The following ERC2 variants were observed in gnomAD, a reference collection of about 807,000 sequenced individuals.
The protein encoded by ERC2 is ELKS/RAB6-interacting/CAST family member 2.
Under a neutral mutation model 114.8 loss-of-function variants are expected in ERC2, and 42 were observed. That is an observed-to-expected ratio of 0.37 (90% CI 0.29 to 0.47). The LOEUF (loss-of-function observed/expected upper bound fraction) is 0.47. ERC2 is among the 20% of genes least tolerant of loss of function. ERC2 has a pLI of 0.99. For synonymous variants in ERC2, 454 were observed against 425.5 expected (o/e 1.07, Z -0.82); for missense variants, 939 against 1,150.7 (o/e 0.82, Z 2.66).
At chr3:56,465,134 C>A (rs2063485592) in intron 1 of ERC2, among the ~76,000 whole-genome samples, 1 of 152,220 alleles carries the variant, frequency 6.6e-6, no homozygotes, top group South Asian at 2.1e-4. Flanking sequence ...CATGGTGGTT[C>A]ACACCTGTAA....
intron 2 of ERC2, among the ~76,000 whole-genome samples, chr3:56,378,992 A>G (rs565120472): frequency 1.3e-5 from 2 of 152,384 alleles, no homozygotes; most frequent in Admixed American, 1.3e-4. Flanking sequence ...ATCCATTTCA[A>G]TAACGTATTT....
intron 14 of ERC2, among the ~76,000 whole-genome samples, chr3:55,770,887 C>G (rs937814135): frequency 1.3e-5 from 2 of 150,634 alleles, no homozygotes; most frequent in Non-Finnish European, 2.9e-5. Flanking sequence ...TGAGTGAGAA[C>G]ATGCGGTGTT....
At chr3:56,337,426 C>A (rs770372486) in intron 2 of ERC2, among the ~76,000 whole-genome samples, 2 of 152,116 alleles carry the variant, frequency 1.3e-5, no homozygotes, top group Non-Finnish European at 2.9e-5. Flanking sequence ...GGTATGTAAC[C>A]GTAAGTACTC....
chr3:56,115,645 C>T (rs2079186671), intron 6 of ERC2, among the ~76,000 whole-genome samples: 1 of 152,092 alleles, frequency 6.6e-6, no homozygotes, highest in African/African-American at 2.4e-5. Flanking sequence ...AATTTTCTTG[C>T]ATTATCAAGG....
chr3:56,137,575 C>T (rs545466452), intron 6 of ERC2, among the ~76,000 whole-genome samples: 15 of 152,304 alleles, frequency 9.8e-5, no homozygotes, highest in South Asian at 2.1e-4. Flanking sequence ...TGCAACTGCT[C>T]GACTCTGCTG....
intron 15 of ERC2, among the ~76,000 whole-genome samples, chr3:55,704,521 T>C (rs2063382927): frequency 6.6e-6 from 1 of 152,238 alleles, no homozygotes; most frequent in Non-Finnish European, 1.5e-5. Flanking sequence ...GGAACTCTTC[T>C]ACTGTCTTGT....
At chr3:55,776,162 T>C (rs1351667435) in intron 14 of ERC2, among the ~76,000 whole-genome samples, 1 of 152,008 alleles carries the variant, frequency 6.6e-6, no homozygotes, top group East Asian at 1.9e-4. Flanking sequence ...GTTGTTGTTG[T>C]TGAAAGTTTA....
intron 7 of ERC2, among the ~76,000 whole-genome samples, chr3:56,064,196 GC>G (rs1304560760): frequency 6.6e-6 from 1 of 152,104 alleles, no homozygotes; most frequent in Admixed American, 6.6e-5. Flanking sequence ...TTTCATACCT[GC>G]CATCTACCTG....
At chr3:56,228,883 C>A (rs544037839) in intron 3 of ERC2, among the ~76,000 whole-genome samples, 1 of 152,264 alleles carries the variant, frequency 6.6e-6, no homozygotes, top group Non-Finnish European at 1.5e-5. Context: ...CCTACTTGGG[C>A]CGCCTTTATG....
chr3:55,617,719 TA>T (rs1181970483), intron 17 of ERC2, among the ~76,000 whole-genome samples: 1 of 152,172 alleles, frequency 6.6e-6, no homozygotes, highest in Non-Finnish European at 1.5e-5. Context: ...AATTCACCAA[TA>T]AAAGGATAAA....
At position 55,509,674 on chromosome 3, in the gene ERC2, C is replaced by T. The variant is rs1326642178; in HGVS notation, c.*1642G>A. ...AACTCAGGGACGGTTTCATCTTCCC[C>T]GACAAATAAGGTGTTTGTCTTTTAA... On this transcript the variant is annotated 3_prime_UTR_variant, in exon 18 of 18. Transcript: ENST00000288221. 1.3e-5 allele frequency: 2 copies of T among 152,534 alleles called. No homozygotes were observed. Among genetic ancestry groups the T allele is most frequent in the Non-Finnish European group, 2.9e-5 (2 of 68,026 alleles). 9.4% of individuals were successfully genotyped at this position (152,534 alleles called of 1,614,324 possible). A position where few individuals can be genotyped will look rare whatever the true frequency, so the allele number is the denominator to read the frequency against.
intron 2 of ERC2, among the ~76,000 whole-genome samples, chr3:56,318,633 T>G (rs1027467255): frequency 1.3e-5 from 2 of 151,656 alleles, no homozygotes; most frequent in East Asian, 3.9e-4. Flanking sequence ...GCACATAGAC[T>G]TTTTTTGAAG....
intron 8 of ERC2, among the ~76,000 whole-genome samples, chr3:56,012,557 T>C (rs113942474): frequency 0.017 from 2,543 of 152,262 alleles, 65 homozygotes; most frequent in African/African-American, 0.058. Context: ...TTAGGGATCA[T>C]CTTGGCTTCA....
chr3:55,718,939 G>A (rs1022973626), intron 15 of ERC2, among the ~76,000 whole-genome samples: 2 of 152,218 alleles, frequency 1.3e-5, no homozygotes, highest in Non-Finnish European at 1.5e-5. Context: ...AGCCACAGTT[G>A]GCAATGATTC....
At chr3:56,132,899 C>T (rs1365775749) in intron 6 of ERC2, among the ~76,000 whole-genome samples, 1 of 151,952 alleles carries the variant, frequency 6.6e-6, no homozygotes. Flanking sequence ...TCTTAATATA[C>T]TAGGATTCTA....
intron 13 of ERC2, among the ~76,000 whole-genome samples, chr3:55,911,258 G>A (rs2149363570): frequency 6.6e-6 from 1 of 152,322 alleles, no homozygotes; most frequent in East Asian, 1.9e-4. Context: ...GACACATACA[G>A]CACTAAAATC....
Position 55,782,224 on chromosome 3 carries a change from A to C in ERC2, c.2565-47306T>G, listed in dbSNP as rs114385806. 6.8e-3 allele frequency among the ~76,000 whole-genome samples: 1,031 copies of C among 152,244 alleles called. 10 individuals carry two copies. The highest frequency in any genetic ancestry group is 0.024 in the African/African-American group (983 of 41,542). The stretch of plus-strand genomic sequence containing the variant: ...GTGTCAGGCCGACATTCTTGCTGTC[A>C]TCAAAGACCACAGGGGTCTTACCTA... On this transcript the variant is annotated intron_variant, in intron 14 of 17. Transcript: ENST00000288221.
At chr3:56,384,278 T>C (rs1276884313) in intron 2 of ERC2, among the ~76,000 whole-genome samples, 3 of 152,176 alleles carry the variant, frequency 2.0e-5, no homozygotes, top group Non-Finnish European at 4.4e-5. Flanking sequence ...GGAACTGCCA[T>C]ACTGTTTTCT....
chr3:55,881,064 T>C (rs761417970), intron 14 of ERC2, among the ~76,000 whole-genome samples: 53 of 152,340 alleles, frequency 3.5e-4, no homozygotes, highest in Admixed American at 1.2e-3. Flanking sequence ...CCATTTATCC[T>C]GTCCAAATTG....
Sources: gnomAD v4.1 joint callset for allele counts (sites outside exome capture counted in the v4.1 genomes callset) on GRCh38, gnomAD v4.1.1 for gene constraint, MANE v1.5 for transcripts, NCBI Gene and HGNC (gene_info 2026-07-23, HGNC 2026-07-21) for gene names.